The following APLF variants were observed in gnomAD, a reference collection of about 807,000 sequenced individuals.
APLF encodes the protein aprataxin and PNK-like factor.
A neutral mutation model predicts 55.6 loss-of-function variants in APLF; 61 were observed. The observed-to-expected ratio is 1.10, with a 90% confidence interval of 0.89 to 1.36. The LOEUF (loss-of-function observed/expected upper bound fraction) is 1.36. Ranked by LOEUF, APLF falls within the 40% of genes most tolerant of loss-of-function variation. The probability of loss-of-function intolerance (pLI) is 0.00; values close to 1 mark genes in which losing one functional copy is unlikely to be tolerated. For missense variants in APLF, 611 were observed against 602.5 expected (o/e 1.01, Z -0.15); for synonymous variants, 207 against 214.8 (o/e 0.96, Z 0.32).
chr2:68,480,601 T>G (rs1426977520), intron 1 of APLF, among the ~76,000 whole-genome samples: 1 of 151,934 alleles, frequency 6.6e-6, no homozygotes, highest in Non-Finnish European at 1.5e-5. Context: ...CATGCCCGGC[T>G]GTTTTTTTTT....
intron 5 of APLF, among the ~76,000 whole-genome samples, chr2:68,516,952 T>C (rs1669602479): frequency 7.9e-6 from 1 of 125,976 alleles, no homozygotes; most frequent in African/African-American, 3.1e-5. Context: ...ATATATATAA[T>C]ATAATATATA....
intron 1 of APLF, among the ~76,000 whole-genome samples, chr2:68,487,313 T>G (rs1378461717): frequency 1.3e-5 from 2 of 152,162 alleles, no homozygotes; most frequent in African/African-American, 4.8e-5. Flanking sequence ...CAGGTTTTGC[T>G]TTAGGTTTCA....
At chr2:68,481,875 T>G (rs1675969509) in intron 1 of APLF, among the ~76,000 whole-genome samples, 1 of 152,042 alleles carries the variant, frequency 6.6e-6, no homozygotes, top group Admixed American at 6.5e-5. Flanking sequence ...TGATATAGTC[T>G]GGTGAAGGCT....
chr2:68,547,798 T>A (rs1670746375), intron 8 of APLF, among the ~76,000 whole-genome samples: 1 of 151,710 alleles, frequency 6.6e-6, no homozygotes, highest in South Asian at 2.1e-4. Flanking sequence ...TTATTAGCAA[T>A]GTGAGAACAA....
At chr2:68,533,739 C>A (rs1558545271) in intron 6 of APLF, among the ~76,000 whole-genome samples, 1 of 152,178 alleles carries the variant, frequency 6.6e-6, no homozygotes, top group African/African-American at 2.4e-5. Context: ...TGAGCATCTT[C>A]ACCTGACATC....
intron 1 of APLF, among the ~76,000 whole-genome samples, chr2:68,486,021 A>G (rs1283444964): frequency 6.6e-6 from 1 of 151,882 alleles, no homozygotes; most frequent in Non-Finnish European, 1.5e-5. Context: ...ATCATGGATT[A>G]TTTTGGGATT....
At chr2:68,534,810 A>G (rs1573232504) in intron 6 of APLF, among the ~76,000 whole-genome samples, 1 of 152,140 alleles carries the variant, frequency 6.6e-6, no homozygotes. Flanking sequence ...AGCAACTTCC[A>G]TGTTTCCTGT....
chr2:68,513,225 G>C lies in APLF; in HGVS notation c.487G>C (p.Val163Leu). The change falls in exon 4 of 10, where the codon GTG becomes CTG. Residue 163 changes from valine to leucine, a missense_variant and splice_region_variant. By Grantham distance (32) the Val-to-Leu change is conservative. Transcript: ENST00000303795. ...AKTQMTPTNS[V>L]SFLGENRDCN... is the part of the protein sequence containing the mutation. ...GACCCAGATGACTCCCACAAATAGT[G>C]TGGTGAGAAATTTGATATCTCATCC... The C allele has an allele frequency of 6.3e-7, 1 of 1,597,782 alleles. No homozygotes were observed. The highest frequency in any genetic ancestry group is 1.8e-5 in the Admixed American group (1 of 55,648).
intron 6 of APLF, among the ~76,000 whole-genome samples, chr2:68,530,004 G>C (rs1442778790): frequency 6.6e-6 from 1 of 152,232 alleles, no homozygotes; most frequent in Non-Finnish European, 1.5e-5. Context: ...AGGGCCACCA[G>C]CCTCGCTCCG....
intron 5 of APLF, among the ~76,000 whole-genome samples, chr2:68,519,014 A>G (rs1260980488): frequency 1.6e-5 from 2 of 124,518 alleles, no homozygotes; most frequent in Non-Finnish European, 3.1e-5. Flanking sequence ...ATTAATATAT[A>G]ATAATATATA....
At chr2:68,508,861 A>G (rs1055751415) in intron 3 of APLF, among the ~76,000 whole-genome samples, 5 of 152,174 alleles carry the variant, frequency 3.3e-5, no homozygotes, top group African/African-American at 1.2e-4. Context: ...TGGTACTGGT[A>G]CCAAAACAGA....
intron 3 of APLF, among the ~76,000 whole-genome samples, chr2:68,511,520 T>C (rs566817510): frequency 6.6e-6 from 1 of 151,830 alleles, no homozygotes; most frequent in African/African-American, 2.4e-5. Flanking sequence ...TATGAATTCA[T>C]CTCAGACTTA....
chr2:68,497,567 T>TG (rs1676589183), intron 2 of APLF, among the ~76,000 whole-genome samples: 1 of 151,986 alleles, frequency 6.6e-6, no homozygotes, highest in African/African-American at 2.4e-5. Flanking sequence ...TACAGAACTG[T>TG]GGGTCAATTA....
intron 2 of APLF, among the ~76,000 whole-genome samples, chr2:68,501,421 G>T (rs540896579): frequency 6.7e-6 from 1 of 149,724 alleles, no homozygotes; most frequent in South Asian, 2.1e-4. Context: ...CTATAAGATT[G>T]TACTTAAAAA....
intron 7 of APLF, among the ~76,000 whole-genome samples, chr2:68,540,256 C>T (rs1273306352): frequency 6.6e-6 from 1 of 152,022 alleles, no homozygotes; most frequent in Non-Finnish European, 1.5e-5. Context: ...TGAGAACATG[C>T]AGTGTTTGGT....
chr2:68,468,658 A>G (rs1192417388), intron 1 of APLF, among the ~76,000 whole-genome samples: 2 of 152,208 alleles, frequency 1.3e-5, no homozygotes. Flanking sequence ...AATTCTATAG[A>G]TCTCTTAAGT....
At chr2:68,469,061 T>A (rs576493631) in intron 1 of APLF, among the ~76,000 whole-genome samples, 1 of 151,748 alleles carries the variant, frequency 6.6e-6, no homozygotes, top group South Asian at 2.1e-4. Flanking sequence ...GTGCATGTGG[T>A]AAGGTTATTG....
chr2:68,555,922 A>G (rs1169909862), intron 8 of APLF, among the ~76,000 whole-genome samples: 1 of 152,218 alleles, frequency 6.6e-6, no homozygotes, highest in Non-Finnish European at 1.5e-5. Flanking sequence ...TAGCAGCACA[A>G]TTTGCAATGG....
In APLF at chr2:68,537,899, A is replaced by T. The variant is rs538583627; in HGVS notation, c.832A>T (p.Thr278Ser). ...AATGCCACAATCATTTTCTGCAATCACATTAAGTAACACAGAGATGAATAA... is the reference window on the plus strand; with the variant it reads ...AATGCCACAATCATTTTCTGCAATCTCATTAAGTAACACAGAGATGAATAA... ...KEMPQSFSAI[T>S]LSNTEMNNIK... Residue 278 changes from threonine (T) to serine (S), a missense_variant, in exon 7 of 10, where the codon ACA becomes TCA. Thr to Ser is a moderately conservative substitution (Grantham distance 58). Coordinates refer to ENST00000303795, the MANE Select transcript of APLF (RefSeq NM_173545.3). The T allele has an allele frequency of 6.4e-7, 1 of 1,571,362 alleles. No homozygotes were observed. Among genetic ancestry groups the T allele is most frequent in the Non-Finnish European group, 8.6e-7 (1 of 1,161,212 alleles).
Sources: gnomAD v4.1 joint callset for allele counts (sites outside exome capture counted in the v4.1 genomes callset) on GRCh38, gnomAD v4.1.1 for gene constraint, MANE v1.5 for transcripts, NCBI Gene and HGNC (gene_info 2026-07-23, HGNC 2026-07-21) for gene names.